The following ERC1 variants were observed in gnomAD, a reference collection of about 807,000 sequenced individuals.
ERC1 encodes the protein ELKS/RAB6-interacting/CAST family member 1.
Under a neutral mutation model 132.0 loss-of-function variants are expected in ERC1, and 56 were observed. The ratio of observed to expected loss-of-function variants is 0.42; its 90% confidence interval spans 0.34 to 0.53. ERC1 has a LOEUF of 0.53. Ranked by LOEUF, ERC1 falls within the 20% of genes least tolerant of loss-of-function variation. ERC1 has a pLI of 0.03. For synonymous variants in ERC1, 478 were observed against 476.1 expected (o/e 1.00, Z -0.05); for missense variants, 1,202 against 1,349.9 (o/e 0.89, Z 1.72).
chr12:1,356,832 CT>C (rs2154368983), intron 15 of ERC1, among the ~76,000 whole-genome samples: 1 of 152,288 alleles, frequency 6.6e-6, no homozygotes, highest in Non-Finnish European at 1.5e-5. Context: ...TACCAGGTGT[CT>C]CATTCCAAAC....
rs1404819780 is a variant in ERC1, at chr12:1,196,953, CACACACACATATAT to C, written c.2351+6903_2351+6916del. ...ACACACACACACACACACACACACACACACACACATATATATATATATATTTTTTTTTTTTTTTT... is the reference window on the plus strand; with the variant it reads ...ACACACACACACACACACACACACACATATATATATTTTTTTTTTTTTTTT... On this transcript the variant is annotated intron_variant, in intron 12 of 18. Coordinates refer to ENST00000360905, the MANE Select transcript of ERC1 (RefSeq NM_178040.4). 2.8e-3 allele frequency among the ~76,000 whole-genome samples: 94 copies of C among 33,242 alleles called. 2 individuals are homozygous for C. Among genetic ancestry groups the C allele is most frequent in the Middle Eastern group, 0.022 (1 of 46 alleles). 21.8% of individuals were successfully genotyped at this position (33,242 alleles called of 152,430 possible).
chr12:1,409,071 A>T (rs182797066), intron 17 of ERC1, among the ~76,000 whole-genome samples: 135 of 152,340 alleles, frequency 8.9e-4, no homozygotes, highest in African/African-American at 3.0e-3. Flanking sequence ...ACTAAATAAC[A>T]GCTATGGCGT....
chr12:1,346,283 C>T (rs80128317), intron 15 of ERC1, among the ~76,000 whole-genome samples: 4,414 of 152,198 alleles, frequency 0.029, 88 homozygotes, highest in South Asian at 0.087. Flanking sequence ...ACAGCATATC[C>T]TAGTAATTTT....
chr12:1,192,383 T>G (rs1479065877), intron 12 of ERC1, among the ~76,000 whole-genome samples: 1 of 152,234 alleles, frequency 6.6e-6, no homozygotes, highest in Non-Finnish European at 1.5e-5. Context: ...TTCCCAGATT[T>G]AGTACTCGTT....
chr12:1,118,824 A>G (rs961711583), intron 7 of ERC1, among the ~76,000 whole-genome samples: 2 of 152,222 alleles, frequency 1.3e-5, no homozygotes, highest in Non-Finnish European at 2.9e-5. Flanking sequence ...CACTCGGATT[A>G]CTAAATTAAG....
chr12:1,395,294 C>A (rs112997321), intron 16 of ERC1, among the ~76,000 whole-genome samples: 42 of 152,028 alleles, frequency 2.8e-4, no homozygotes, highest in African/African-American at 1.0e-3. Context: ...TTAGGAATGG[C>A]TTTTTAGATC....
chr12:1,193,266 T>A (rs1194499796), intron 12 of ERC1, among the ~76,000 whole-genome samples: 4 of 152,166 alleles, frequency 2.6e-5, no homozygotes, highest in Non-Finnish European at 5.9e-5. Context: ...TCCTACTCTC[T>A]TGACCCACTG....
chr12:1,062,679 T>C (rs1593039790), intron 2 of ERC1, among the ~76,000 whole-genome samples: 1 of 152,212 alleles, frequency 6.6e-6, no homozygotes, highest in South Asian at 2.1e-4. Flanking sequence ...GAATGTATAT[T>C]CTGTAGCTGT....
At chr12:1,216,212 G>A (rs1002669513) in intron 12 of ERC1, among the ~76,000 whole-genome samples, 2 of 151,840 alleles carry the variant, frequency 1.3e-5, no homozygotes, top group Non-Finnish European at 2.9e-5. Context: ...ATATTTTAGC[G>A]ATTAATAGTA....
intron 12 of ERC1, among the ~76,000 whole-genome samples, chr12:1,228,493 A>G (rs772636923): frequency 2.4e-4 from 37 of 152,280 alleles, no homozygotes; most frequent in Admixed American, 1.0e-3. Context: ...AAATAGAGAC[A>G]GTTTATCTTG....
At chr12:1,072,516 CAA>C (rs1940584618) in intron 2 of ERC1, among the ~76,000 whole-genome samples, 1 of 151,940 alleles carries the variant, frequency 6.6e-6, no homozygotes, top group Non-Finnish European at 1.5e-5. Context: ...AACACATGTG[CAA>C]AAGAGTCTCA....
intron 3 of ERC1, 105 bp from the exon 4 acceptor site, chr12:1,104,645 C>T: frequency 1.3e-6 from 1 of 780,812 alleles, no homozygotes; most frequent in South Asian, 1.5e-5. Context: ...GTCATTGTCT[C>T]ATAAGGCTGT....
At chr12:1,022,637 G>C (rs957264975) in intron 1 of ERC1, among the ~76,000 whole-genome samples, 1 of 152,082 alleles carries the variant, frequency 6.6e-6, no homozygotes, top group East Asian at 1.9e-4. Context: ...ACCCCATGCT[G>C]TTCTGATAGT....
chr12:1,262,265 G>A (rs140926209), intron 13 of ERC1, among the ~76,000 whole-genome samples: 61 of 152,290 alleles, frequency 4.0e-4, no homozygotes, highest in Non-Finnish European at 7.5e-4. Flanking sequence ...TCTTCTTCAT[G>A]TTGTCTTCTT....
chr12:1,095,200 T>C (rs906970144), intron 3 of ERC1, among the ~76,000 whole-genome samples: 14 of 152,100 alleles, frequency 9.2e-5, no homozygotes, highest in African/African-American at 2.9e-4. Flanking sequence ...GAGGCTTAGG[T>C]GGGCAGATCA....
intron 12 of ERC1, among the ~76,000 whole-genome samples, chr12:1,231,688 T>A (rs549716340): frequency 2.0e-4 from 31 of 151,966 alleles, no homozygotes; most frequent in South Asian, 1.2e-3. Context: ...TTTTTTTCCC[T>A]CTGATGGCAC....
At chr12:1,118,977 A>G (rs575201554) in intron 7 of ERC1, among the ~76,000 whole-genome samples, 2 of 152,298 alleles carry the variant, frequency 1.3e-5, no homozygotes, top group East Asian at 1.9e-4. Flanking sequence ...CCTGGGATCA[A>G]ACGCTTCTCC....
At chr12:1,469,654 C>T (rs2093817407) in intron 18 of ERC1, among the ~76,000 whole-genome samples, 1 of 152,360 alleles carries the variant, frequency 6.6e-6, no homozygotes, top group South Asian at 2.1e-4. Flanking sequence ...TTCGTTGAGC[C>T]AGACTGGACT....
In ERC1 at chr12:1,103,086, A is replaced by G. The variant is rs570168323; in HGVS notation, c.1087-1664A>G. Among the ~76,000 whole-genome samples, 4 of 152,332 alleles carry G rather than the reference A, an allele frequency of 2.6e-5. No homozygotes were observed. The East Asian group carries it at 7.7e-4, about 29-fold the overall frequency. On this transcript the variant is annotated intron_variant, in intron 3 of 18. Coordinates refer to ENST00000360905, the MANE Select transcript of ERC1 (RefSeq NM_178040.4). ...GTCATTTTCCTCTGCAGACTTTAAT[A>G]TGCGTCTCTAAAATATATGGACATT... is the stretch of plus-strand genomic sequence containing the variant.
Sources: gnomAD v4.1 joint callset for allele counts (sites outside exome capture counted in the v4.1 genomes callset) on GRCh38, gnomAD v4.1.1 for gene constraint, MANE v1.5 for transcripts, NCBI Gene and HGNC (gene_info 2026-07-23, HGNC 2026-07-21) for gene names.